The following SCD5 variants were observed in gnomAD, a reference collection of about 807,000 sequenced individuals.
SCD5 encodes the protein acyl-CoA-desaturase 4.
SCD5 carries 20 observed loss-of-function variants against 30.4 expected under a neutral mutation model. The observed-to-expected ratio is 0.66, with a 90% confidence interval of 0.46 to 0.96. SCD5 has a LOEUF of 0.96. Ranked by LOEUF, SCD5 falls within the 40% of genes least tolerant of loss-of-function variation. SCD5 has a pLI of 0.00. For missense variants in SCD5, 381 were observed against 443.3 expected, an observed-to-expected ratio of 0.86 and a Z score of 1.26; for synonymous variants, 173 against 176.4, an observed-to-expected ratio of 0.98 and a Z score of 0.16.
At chr4:82,749,388 G>T (rs889895489) in intron 1 of SCD5, among the ~76,000 whole-genome samples, 20 of 152,172 alleles carry the variant, frequency 1.3e-4, no homozygotes, top group African/African-American at 4.3e-4. Flanking sequence ...TTTATGGCTT[G>T]CTACAGGCAG....
chr4:82,722,224 T>G (rs1375173576), intron 1 of SCD5, among the ~76,000 whole-genome samples: 1 of 152,212 alleles, frequency 6.6e-6, no homozygotes, highest in Non-Finnish European at 1.5e-5. Flanking sequence ...TTCCTTTATA[T>G]CCTCTTAACA....
chr4:82,720,129 T>C (rs2148831936), intron 1 of SCD5, among the ~76,000 whole-genome samples: 1 of 152,000 alleles, frequency 6.6e-6, no homozygotes, highest in Non-Finnish European at 1.5e-5. Context: ...CTTGGAAAAT[T>C]GGTAATTAAA....
chr4:82,768,057 TA>T (rs1363581618), intron 1 of SCD5, among the ~76,000 whole-genome samples: 1 of 152,224 alleles, frequency 6.6e-6, no homozygotes, highest in Non-Finnish European at 1.5e-5. Flanking sequence ...TTAGCTAACT[TA>T]AATTAGCCAA....
chr4:82,770,943 G>T (rs1412174221), intron 1 of SCD5, among the ~76,000 whole-genome samples: 1 of 152,070 alleles, frequency 6.6e-6, no homozygotes, highest in African/African-American at 2.4e-5. Context: ...AGTAATAGCT[G>T]GTTTATTGTT....
chr4:82,757,202 T>G (rs1258357874), intron 1 of SCD5, among the ~76,000 whole-genome samples: 1 of 152,180 alleles, frequency 6.6e-6, no homozygotes, highest in African/African-American at 2.4e-5. Context: ...GAGTTGCAAT[T>G]CATCTCCATC....
At chr4:82,729,616 T>G (rs1354205807) in intron 1 of SCD5, among the ~76,000 whole-genome samples, 2 of 116,256 alleles carry the variant, frequency 1.7e-5, no homozygotes, top group African/African-American at 8.0e-5. Context: ...TTTAAACATA[T>G]CTTCTTGAAC....
chr4:82,740,655 C>A (rs1201203387), intron 1 of SCD5, among the ~76,000 whole-genome samples: 2 of 152,218 alleles, frequency 1.3e-5, no homozygotes, highest in East Asian at 1.9e-4. Flanking sequence ...TGTGGTCTAT[C>A]CCCTGCAGTG....
At chr4:82,743,119 G>T (rs1055778079) in intron 1 of SCD5, among the ~76,000 whole-genome samples, 9 of 152,146 alleles carry the variant, frequency 5.9e-5, no homozygotes, top group Non-Finnish European at 1.3e-4. Flanking sequence ...ATTAAATCAA[G>T]TTCAAAGGTT....
intron 1 of SCD5, among the ~76,000 whole-genome samples, chr4:82,773,867 A>AGG (rs1180969231): frequency 1.5e-4 from 23 of 152,246 alleles, no homozygotes; most frequent in African/African-American, 5.1e-4. Flanking sequence ...AGGCGGGTGG[A>AGG]TCACTTGAGG....
rs1456011669 is a variant in SCD5 at position 82,647,305 on chromosome 4, T to C, written c.570-10482A>G. On this transcript the variant is annotated intron_variant, in intron 3 of 4. Transcript: ENST00000319540. ...TGAAAGGACAACAGACAGAGTACAA[T>C]CCTCCACCCCATTCAAGGGAGCAAG... Among the ~76,000 whole-genome samples, 3 of 150,252 alleles carry C rather than the reference T, an allele frequency of 2.0e-5. No homozygotes were observed. In the Admixed American group the frequency reaches 2.0e-4, roughly 10 times the overall value.
intron 3 of SCD5, among the ~76,000 whole-genome samples, chr4:82,658,103 AC>A (rs934926794): frequency 7.2e-5 from 11 of 152,154 alleles, no homozygotes; most frequent in African/African-American, 2.2e-4. Flanking sequence ...CTCTTGTCTG[AC>A]TGCCCTGGCC....
intron 1 of SCD5, among the ~76,000 whole-genome samples, chr4:82,717,558 T>A (rs1720254991): frequency 6.6e-6 from 1 of 151,886 alleles, no homozygotes; most frequent in South Asian, 2.1e-4. Flanking sequence ...ACATTTTATA[T>A]CACTATAGGT....
intron 1 of SCD5, among the ~76,000 whole-genome samples, chr4:82,731,995 T>C (rs553538490): frequency 1.4e-4 from 21 of 152,316 alleles, no homozygotes; most frequent in Admixed American, 7.2e-4. Context: ...AATGTGACAA[T>C]TAGGGCCCCT....
intron 1 of SCD5, among the ~76,000 whole-genome samples, chr4:82,774,039 A>G (rs1376560939): frequency 1.3e-5 from 2 of 151,830 alleles, no homozygotes; most frequent in South Asian, 2.1e-4. Context: ...CAGTGATCCA[A>G]GATCATGCCA....
intron 1 of SCD5, among the ~76,000 whole-genome samples, chr4:82,705,802 G>A (rs902507189): frequency 5.9e-5 from 9 of 152,170 alleles, no homozygotes; most frequent in African/African-American, 1.7e-4. Flanking sequence ...CACATGACAG[G>A]GTGAGTGTTA....
rs778480466 is a variant in SCD5, at chr4:82,720,441, T to TACAAAAAAAAAAAAAAAAAAA, written c.233-15029_233-15028insTTTTTTTTTTTTTTTTTTTGT. Among the ~76,000 whole-genome samples, 51 of 77,864 alleles carry TACAAAAAAAAAAAAAAAAAAA rather than the reference T, an allele frequency of 6.5e-4. 3 individuals are homozygous for TACAAAAAAAAAAAAAAAAAAA. The highest frequency in any genetic ancestry group is 1.8e-3 in the African/African-American group (34 of 18,682). 51.1% of individuals were successfully genotyped at this position (77,864 alleles called of 152,430 possible). ...GATGCTGTCTCAAAAAAGGCAAAAA[T>TACAAAAAAAAAAAAAAAAAAA]AAAAAAAAAAAAAAAAAAAAAAGAC... is the stretch of plus-strand genomic sequence containing the variant. On this transcript the variant is annotated intron_variant, in intron 1 of 4. Transcript: ENST00000319540.
intron 3 of SCD5, among the ~76,000 whole-genome samples, chr4:82,678,598 A>C (rs931968136): frequency 2.0e-5 from 3 of 152,234 alleles, no homozygotes; most frequent in Non-Finnish European, 2.9e-5. Context: ...TGACCACAGA[A>C]TGATGGTTAA....
intron 1 of SCD5, among the ~76,000 whole-genome samples, chr4:82,723,798 A>G (rs1720418438): frequency 6.6e-6 from 1 of 152,252 alleles, no homozygotes. Flanking sequence ...ACTAAAACAA[A>G]AAGTCAATGT....
At chr4:82,698,820 C>G (rs1176600080) in intron 2 of SCD5, among the ~76,000 whole-genome samples, 1 of 152,248 alleles carries the variant, frequency 6.6e-6, no homozygotes, top group Non-Finnish European at 1.5e-5. Context: ...GATGCCCCAT[C>G]TTGGGCCTCT....
Sources: gnomAD v4.1 joint callset for allele counts (sites outside exome capture counted in the v4.1 genomes callset) on GRCh38, gnomAD v4.1.1 for gene constraint, MANE v1.5 for transcripts, NCBI Gene and HGNC (gene_info 2026-07-23, HGNC 2026-07-21) for gene names.